GSE1: variants seen among roughly 807,000 people sequenced by gnomAD.
GSE1 encodes Gse1 coiled-coil protein, also known as genetic suppressor element 1.
GSE1 carries 32 observed loss-of-function variants against 112.6 expected under a neutral mutation model. That is an observed-to-expected ratio of 0.28 (90% confidence interval 0.21 to 0.38). The LOEUF is 0.38. GSE1 is among the 10% of genes least tolerant of loss of function. GSE1 has a pLI of 1.00. For synonymous variants in GSE1, 1,115 were observed against 735.6 expected (o/e 1.52, Z -8.35); for missense variants, 2,348 against 1,699.2 (o/e 1.38, Z -6.71).
chr16:85,674,406 C>G lies in GSE1; in HGVS notation c.*1867C>G, dbSNP rs561988165. On this transcript the variant is annotated 3_prime_UTR_variant, in exon 16 of 16. Transcript: ENST00000253458. The stretch of plus-strand genomic sequence containing the variant: ...CCACAGAAGCAGCTGGAAGAGAACT[C>G]GAGGGGCTGTGCTGCAGGCCTCCCC... 1 of 152,084 alleles carries G rather than the reference C, an allele frequency of 6.6e-6. No homozygotes were observed. Among genetic ancestry groups the G allele is most frequent in the Admixed American group, 6.5e-5 (1 of 15,282 alleles). 9.4% of individuals were successfully genotyped at this position (152,084 alleles called of 1,614,324 possible).
At chr16:85,612,354 A>G (rs2048047754), upstream of GSE1, among the ~76,000 whole-genome samples, 1 of 151,112 alleles carries the variant, frequency 6.6e-6, no homozygotes, top group Admixed American at 6.6e-5. Context: ...ACGCTCCCTG[A>G]GTCATTCCAG....
At chr16:85,367,185 C>G (rs2151590670) in intron 2 of GSE1, among the ~76,000 whole-genome samples, 1 of 152,350 alleles carries the variant, frequency 6.6e-6, no homozygotes, top group South Asian at 2.1e-4. Context: ...AGAGTGCCAC[C>G]CTTGCCCTCA....
chr16:85,265,787 C>A (rs533520770), intron 1 of GSE1, among the ~76,000 whole-genome samples: 1 of 152,234 alleles, frequency 6.6e-6, no homozygotes, highest in African/African-American at 2.4e-5. Flanking sequence ...CATGCATCGC[C>A]GGGGTCCAGG....
intron 1 of GSE1, among the ~76,000 whole-genome samples, chr16:85,208,208 C>G (rs915160335): frequency 1.3e-5 from 2 of 152,206 alleles, no homozygotes; most frequent in Non-Finnish European, 2.9e-5. Flanking sequence ...CCCTTGGTGT[C>G]TCAACGTTCC....
chr16:85,450,733 G>A (rs112885654), intron 2 of GSE1, among the ~76,000 whole-genome samples: 25,291 of 150,734 alleles, frequency 0.17, 2,817 homozygotes, highest in Non-Finnish European at 0.23. Flanking sequence ...ACAGGCATGA[G>A]CCACCTCGCC....
At chr16:85,284,673 A>C (rs1033394195) in intron 1 of GSE1, among the ~76,000 whole-genome samples, 8 of 152,200 alleles carry the variant, frequency 5.3e-5, no homozygotes, top group Non-Finnish European at 1.2e-4. Context: ...GTCGTGGTCC[A>C]CAGTAGGATG....
chr16:85,466,495 G>A (rs1597839460), intron 2 of GSE1, among the ~76,000 whole-genome samples: 2 of 152,164 alleles, frequency 1.3e-5, no homozygotes, highest in African/African-American at 2.4e-5. Flanking sequence ...TGAGCTCGTC[G>A]GTCCTGAGGA....
At chr16:85,661,790 C>G in intron 9 of GSE1, 25 bp downstream of exon 9, 2 of 1,480,974 alleles carry the variant, frequency 1.4e-6, no homozygotes, top group Non-Finnish European at 1.8e-6. Flanking sequence ...GGGCCCCGAG[C>G]TGCTCAGGGA....
chr16:85,624,762 G>T (rs372491360), intron 1 of GSE1, among the ~76,000 whole-genome samples: 1 of 152,150 alleles, frequency 6.6e-6, no homozygotes, highest in Non-Finnish European at 1.5e-5. Flanking sequence ...CCTGGGCACC[G>T]CCAGGACCAC....
chr16:85,589,570 T>C (rs2046879746), intron 1 of GSE1, among the ~76,000 whole-genome samples: 2 of 152,218 alleles, frequency 1.3e-5, no homozygotes, highest in African/African-American at 4.8e-5. Flanking sequence ...GAATAACATT[T>C]CTGAAGCATC....
intron 2 of GSE1, among the ~76,000 whole-genome samples, chr16:85,491,252 G>C (rs1035803837): frequency 6.6e-6 from 1 of 152,218 alleles, no homozygotes; most frequent in African/African-American, 2.4e-5. Context: ...CTGGGGCCAC[G>C]AGAAGGGACC....
chr16:85,366,876 G>C (rs998817593), intron 2 of GSE1, among the ~76,000 whole-genome samples: 5 of 152,376 alleles, frequency 3.3e-5, no homozygotes, highest in African/African-American at 1.2e-4. Context: ...TTCCCAATAA[G>C]TTGGTGATAA....
At chr16:85,630,864 T>A (rs1297844750) in intron 1 of GSE1, among the ~76,000 whole-genome samples, 1 of 152,148 alleles carries the variant, frequency 6.6e-6, no homozygotes, top group Non-Finnish European at 1.5e-5. Context: ...CCTCTTGGGC[T>A]TGGGCGATGG....
chr16:85,262,541 G>C (rs4297670), intron 1 of GSE1, among the ~76,000 whole-genome samples: 39,845 of 152,190 alleles, frequency 0.26, 5,306 homozygotes, highest in East Asian at 0.3. Flanking sequence ...GTGATTTCTA[G>C]GGTAACGGTT....
chr16:85,555,555 C>T (rs1184168434), upstream of GSE1: 6 of 972,056 alleles, frequency 6.2e-6, no homozygotes, highest in African/African-American at 1.8e-5. Flanking sequence ...TTTCTCCTCT[C>T]CCCTCTCCCG....
intron 1 of GSE1, among the ~76,000 whole-genome samples, chr16:85,620,024 G>A (rs567748457): frequency 1.3e-5 from 2 of 152,244 alleles, no homozygotes; most frequent in East Asian, 1.9e-4. Flanking sequence ...TATGGGGTGC[G>A]GTGGCTCAAG....
At chr16:85,362,332 A>G (rs2047099600) in intron 2 of GSE1, among the ~76,000 whole-genome samples, 1 of 152,212 alleles carries the variant, frequency 6.6e-6, no homozygotes, top group South Asian at 2.1e-4. Context: ...TATTGAGAGG[A>G]CACTCCTAAT....
At chr16:85,219,878 C>T (rs1445525980) in intron 1 of GSE1, among the ~76,000 whole-genome samples, 1 of 152,240 alleles carries the variant, frequency 6.6e-6, no homozygotes, top group Non-Finnish European at 1.5e-5. Flanking sequence ...CCAGGGAAGG[C>T]AGGCTCTCCT....
chr16:85,177,232 C>T (rs2074485971), intron 1 of GSE1, among the ~76,000 whole-genome samples: 1 of 152,234 alleles, frequency 6.6e-6, no homozygotes, highest in African/African-American at 2.4e-5. Context: ...CTGGTTCCTC[C>T]TCTGCTTAGA....
Sources: allele counts gnomAD v4.1 joint callset (sites outside exome capture counted in the v4.1 genomes callset), GRCh38; gene constraint gnomAD v4.1.1; transcripts MANE v1.5; gene names NCBI Gene and HGNC (gene_info 2026-07-23, HGNC 2026-07-21).